The following TMEM132C variants were observed in gnomAD, a reference collection of about 807,000 sequenced individuals.
The protein encoded by TMEM132C is transmembrane protein 132C, also known as protein phosphatase 1, regulatory subunit 152.
A neutral mutation model predicts 61.4 loss-of-function variants in TMEM132C; 29 were observed. That is an observed-to-expected ratio of 0.47 (90% CI 0.35 to 0.64). The LOEUF (loss-of-function observed/expected upper bound fraction) is 0.64, where lower values mean the gene tolerates loss of function less well. Ranked by LOEUF, TMEM132C falls within the 30% of genes least tolerant of loss-of-function variation. The probability of loss-of-function intolerance (pLI) is 0.00; values close to 1 mark genes in which losing one functional copy is unlikely to be tolerated. For missense variants in TMEM132C, 1,408 were observed against 1,476.9 expected (o/e 0.95, Z 0.76); for synonymous variants, 656 against 633.1 (o/e 1.04, Z -0.54).
intron 8 of TMEM132C, among the ~76,000 whole-genome samples, chr12:128,699,270 G>A (rs543596749): frequency 5.9e-5 from 9 of 152,280 alleles, no homozygotes; most frequent in East Asian, 1.9e-4. Context: ...AAAATGGCAC[G>A]CACTTATTGG....
Position 128,669,442 on chromosome 12 carries a change from T to C in TMEM132C, c.1331T>C (p.Val444Ala), listed in dbSNP as rs1472890368. The C allele has an allele frequency of 5.2e-6, 8 of 1,551,502 alleles. No homozygotes were observed. Among genetic ancestry groups the C allele is most frequent in the Non-Finnish European group, 6.1e-6 (7 of 1,146,970 alleles). ...AMDTEILNTA[V>A]LTGKTVAMPI... ...GACACTGAAATTCTGAACACCGCCGTACTCACAGGAAAGACAGTTGCCATG... is the reference window on the plus strand; with the variant it reads ...GACACTGAAATTCTGAACACCGCCGCACTCACAGGAAAGACAGTTGCCATG... The change falls in exon 5 of 9, where the codon GTA becomes GCA. Residue 444 changes from valine to alanine, a missense_variant. Transcript: ENST00000435159.
At chr12:128,289,728 A>G (rs964871263) in intron 1 of TMEM132C, among the ~76,000 whole-genome samples, 4 of 152,202 alleles carry the variant, frequency 2.6e-5, no homozygotes, top group Admixed American at 2.6e-4. Context: ...TATCATCTGC[A>G]CTTCCATTTA....
intron 2 of TMEM132C, among the ~76,000 whole-genome samples, chr12:128,418,313 A>G (rs894788658): frequency 6.6e-6 from 1 of 152,212 alleles, no homozygotes; most frequent in African/African-American, 2.4e-5. Context: ...CATTCTGAAG[A>G]TGGAATTTCA....
At chr12:128,493,475 T>C (rs974645584) in intron 2 of TMEM132C, among the ~76,000 whole-genome samples, 3 of 152,206 alleles carry the variant, frequency 2.0e-5, no homozygotes, top group East Asian at 3.8e-4. Context: ...ATTCTTCCTA[T>C]CCATGAGCAT....
In TMEM132C at chr12:128,697,418, AG is replaced by A; in HGVS notation, c.2121+8del. ...AGGTGCTGCGGACCCCCAAACAGGT[AG>A]GGGGCCAAATGCCAGAGGTTCAGAG... On this transcript the variant is annotated splice_donor_region_variant and intron_variant, in intron 8 of 8. Coordinates refer to ENST00000435159, the MANE Select transcript of TMEM132C (RefSeq NM_001136103.3). 6.5e-7 allele frequency: 1 copy of A among 1,528,868 alleles called. No individual in the cohort carries two copies. Among genetic ancestry groups the A allele is most frequent in the Non-Finnish European group, 8.9e-7 (1 of 1,129,666 alleles). 94.7% of individuals were successfully genotyped at this position (1,528,868 alleles called of 1,614,324 possible). A position where few individuals can be genotyped will look rare whatever the true frequency, so the allele number is the denominator to read the frequency against.
intron 6 of TMEM132C, 98 bp downstream of exon 6, chr12:128,694,132 G>A (rs2135653113): frequency 7.5e-7 from 1 of 1,330,474 alleles, no homozygotes; most frequent in Non-Finnish European, 1.0e-6. Context: ...TGCTGGTATT[G>A]TCTCAGCAGT....
At chr12:128,362,431 G>A (rs1873735546) in intron 1 of TMEM132C, among the ~76,000 whole-genome samples, 1 of 152,212 alleles carries the variant, frequency 6.6e-6, no homozygotes, top group Admixed American at 6.5e-5. Context: ...CATTAATGGT[G>A]TGAGTTGCTA....
intron 2 of TMEM132C, among the ~76,000 whole-genome samples, chr12:128,526,979 G>C (rs914326267): frequency 1.3e-5 from 2 of 152,178 alleles, no homozygotes; most frequent in African/African-American, 4.8e-5. Flanking sequence ...AGTGAGCTGT[G>C]AGCCCAGGCA....
chr12:128,549,773 G>A (rs978233693), intron 3 of TMEM132C, among the ~76,000 whole-genome samples: 3 of 152,128 alleles, frequency 2.0e-5, no homozygotes, highest in African/African-American at 7.2e-5. Flanking sequence ...CTCTCCAAAT[G>A]CTTTGCATAT....
chr12:128,354,661 T>C (rs1873444404), intron 1 of TMEM132C, among the ~76,000 whole-genome samples: 1 of 152,094 alleles, frequency 6.6e-6, no homozygotes, highest in Non-Finnish European at 1.5e-5. Context: ...TTCCTGTCCT[T>C]CCTAGACAAT....
In TMEM132C at chr12:128,415,430, A is replaced by G; in HGVS notation, c.784A>G (p.Thr262Ala). 6.4e-7 allele frequency: 1 copy of G among 1,551,474 alleles called. No individual in the cohort carries two copies. The highest frequency in any genetic ancestry group is 8.7e-7 in the Non-Finnish European group (1 of 1,146,868). Residue 262 changes from threonine to alanine, a missense_variant, in exon 2 of 9, where the codon ACC becomes GCC. Coordinates refer to ENST00000435159, the MANE Select transcript of TMEM132C (RefSeq NM_001136103.3). This position sits in a 1 kb window ranked among gnomAD's most constrained non-coding sequence, Gnocchi z 5.8. Reference sequence around the variant, plus strand: ...TCCAGGAAAGGATGGGCTGGAGGAAACCACGTCCCACCTGCAGAGGATCGG... The same window carrying G: ...TCCAGGAAAGGATGGGCTGGAGGAAGCCACGTCCCACCTGCAGAGGATCGG... ...IRPGKDGLEE[T>A]TSHLQRIGTV... is the part of the protein sequence containing the mutation.
intron 3 of TMEM132C, among the ~76,000 whole-genome samples, chr12:128,580,776 T>C (rs1875305333): frequency 6.6e-6 from 1 of 152,192 alleles, no homozygotes; most frequent in South Asian, 2.1e-4. Flanking sequence ...GCCAGCTTGC[T>C]ACCCTCAGTG....
At chr12:128,636,615 A>C (rs745732746) in intron 4 of TMEM132C, among the ~76,000 whole-genome samples, 1 of 149,156 alleles carries the variant, frequency 6.7e-6, no homozygotes, top group Non-Finnish European at 1.5e-5. Flanking sequence ...TATTAAGAAC[A>C]CTTAACATGA....
intron 1 of TMEM132C, among the ~76,000 whole-genome samples, chr12:128,354,603 C>T (rs1423711601): frequency 2.0e-5 from 3 of 151,998 alleles, no homozygotes; most frequent in African/African-American, 7.3e-5. Context: ...ACAGCTTTCT[C>T]TGGGATTCCA....
chr12:128,662,717 C>G (rs1380813378), intron 4 of TMEM132C, among the ~76,000 whole-genome samples: 1 of 152,164 alleles, frequency 6.6e-6, no homozygotes, highest in African/African-American at 2.4e-5. Context: ...CTAGCACATG[C>G]CAAGAGCTCC....
intron 5 of TMEM132C, among the ~76,000 whole-genome samples, chr12:128,680,332 G>C (rs751111459): frequency 3.9e-5 from 6 of 152,200 alleles, no homozygotes; most frequent in Non-Finnish European, 8.8e-5. Flanking sequence ...GCAGAGCCAG[G>C]ATTCGAACTC....
intron 4 of TMEM132C, among the ~76,000 whole-genome samples, chr12:128,665,164 CACAA>C (rs929142918): frequency 5.9e-5 from 9 of 151,690 alleles, no homozygotes; most frequent in Non-Finnish European, 1.0e-4. Flanking sequence ...CTCACACATA[CACAA>C]ACAGGCACAC....
intron 2 of TMEM132C, among the ~76,000 whole-genome samples, chr12:128,469,642 G>A (rs932419909): frequency 6.9e-6 from 1 of 145,442 alleles, no homozygotes; most frequent in African/African-American, 2.5e-5. Context: ...GTGTGTGTTT[G>A]TGTGTGTGTG....
At chr12:128,558,269 C>G (rs529700130) in intron 3 of TMEM132C, among the ~76,000 whole-genome samples, 1 of 152,224 alleles carries the variant, frequency 6.6e-6, no homozygotes, top group Admixed American at 6.5e-5. Flanking sequence ...TTGGCTGTGT[C>G]CCCACCCAAA....
Sources: allele counts gnomAD v4.1 joint callset (sites outside exome capture counted in the v4.1 genomes callset), GRCh38; gene constraint gnomAD v4.1.1; non-coding constraint Gnocchi (gnomAD v3.1); transcripts MANE v1.5; gene names NCBI Gene and HGNC (gene_info 2026-07-23, HGNC 2026-07-21).